OPN1SW: variants seen among roughly 807,000 people sequenced by gnomAD.
The protein encoded by OPN1SW is short-wave-sensitive opsin 1.
A neutral mutation model predicts 31.9 loss-of-function variants in OPN1SW; 25 were observed. That is an observed-to-expected ratio of 0.78 (90% CI 0.57 to 1.09). OPN1SW has a LOEUF of 1.09. Ranked by LOEUF, OPN1SW falls within the 50% of genes least tolerant of loss-of-function variation. The pLI, the probability that OPN1SW is intolerant of heterozygous loss-of-function variation, is 0.00. For synonymous variants in OPN1SW, 190 were observed against 171.9 expected, an observed-to-expected ratio of 1.11 and a Z score of -0.82; for missense variants, 424 against 448.0, an observed-to-expected ratio of 0.95 and a Z score of 0.48.
chr7:128,774,096 G>A (rs543994078), intron 3 of OPN1SW, among the ~76,000 whole-genome samples: 8 of 152,234 alleles, frequency 5.3e-5, no homozygotes, highest in African/African-American at 1.7e-4. Context: ...AGCCTCCTGA[G>A]TAGCTGGGGT....
At position 128,775,089 on chromosome 7, in the gene OPN1SW, A is replaced by G. The variant is rs776068698; in HGVS notation, c.409T>C (p.Phe137Leu). The G allele has an allele frequency of 6.2e-7, 1 of 1,614,226 alleles. No individual in the cohort carries two copies. The highest frequency in any genetic ancestry group is 8.5e-7 in the Non-Finnish European group (1 of 1,180,042). The change falls in exon 2 of 5, where the codon TTC becomes CTC. Residue 137 changes from phenylalanine (F) to leucine (L), a missense_variant. Coordinates refer to ENST00000249389, the MANE Select transcript of OPN1SW (RefSeq NM_001385125.1). ...TTGGAGCTGAAGCGGAAGTTGCCGA[A>G]GGGCTTACAGATGACAATGTAGCGC... ...FERYIVICKP[F>L]GNFRFSSKHA... is the part of the protein sequence containing the mutation.
intron 3 of OPN1SW, 124 bp downstream of exon 3, chr7:128,774,374 C>T (rs996305069): frequency 7.6e-7 from 1 of 1,316,394 alleles, no homozygotes; most frequent in South Asian, 1.2e-5. Context: ...CTCCTACTTC[C>T]TTTGCTGCTT....
At position 128,775,717 on chromosome 7, in the gene OPN1SW, T is replaced by C. The variant is rs962307387; in HGVS notation, c.65A>G (p.Gln22Arg). Reference protein sequence around the residue: ...ISSVGPWDGPQYHIAPVWAFY... With the variant: ...ISSVGPWDGPRYHIAPVWAFY... ...GGCCCAGACAGGGGCAATGTGGTAC[T>C]GAGGCCCATCCCACGGCCCCACTGA... The change falls in exon 1 of 5, where the codon CAG (glutamine) becomes CGG (arginine). Residue 22 changes from glutamine (Q) to arginine (R), a missense_variant. By Grantham distance (43) the Gln-to-Arg change is conservative (BLOSUM62 1). Transcript: ENST00000249389. The C allele has an allele frequency of 1.2e-6, 2 of 1,614,194 alleles. No individual in the cohort carries two copies. The highest frequency in any genetic ancestry group is 1.7e-6 in the Non-Finnish European group (2 of 1,180,032).
At chr7:128,773,564 G>A (rs1801680176) in intron 4 of OPN1SW, 85 bp downstream of exon 4, 3 of 1,580,144 alleles carry the variant, frequency 1.9e-6, no homozygotes, top group Non-Finnish European at 1.7e-6. Context: ...CCTGGGTAGA[G>A]TCCAGGGTGC....
Position 128,775,035 on chromosome 7 carries a change from A to G in OPN1SW, c.463T>C (p.Trp155Arg). ...KHALTVVLAT[W>R]TIGIGVSIPP... ...ATGGAGACGCCAATACCAATGGTCC[A>G]GGTAGCCAGGACCACCGTCAGTGCA... The change falls in exon 2 of 5, where the codon TGG becomes CGG. Residue 155 changes from tryptophan (W) to arginine (R), a missense_variant. Coordinates refer to ENST00000249389, the MANE Select transcript of OPN1SW (RefSeq NM_001385125.1). The G allele has an allele frequency of 6.2e-7, 1 of 1,614,228 alleles. No homozygotes were observed. The highest frequency in any genetic ancestry group is 8.5e-7 in the Non-Finnish European group (1 of 1,180,038).
chr7:128,772,797 C>T lies in OPN1SW; in HGVS notation c.919-138G>A, dbSNP rs1801641835. 6 of 1,132,188 alleles carry T rather than the reference C, an allele frequency of 5.3e-6. No individual in the cohort carries two copies. In the Admixed American group the frequency reaches 9.7e-5, roughly 18 times the overall value. The allele number at this position is 1,132,188 out of a possible 1,614,324, so 70.1% of individuals were successfully genotyped here. ...CCTTAGGTGGTTTTGAATCTATCTT[C>T]CCCATCCTGAAAACTATCTAGATTC... On this transcript the variant is annotated intron_variant, in intron 4 of 4. Transcript: ENST00000249389.
chr7:128,774,056 C>T (rs1054131546), intron 3 of OPN1SW, among the ~76,000 whole-genome samples, 168 bp from the exon 4 acceptor site: 5 of 151,888 alleles, frequency 3.3e-5, no homozygotes, highest in Non-Finnish European at 5.9e-5. Context: ...TGAACCTCCA[C>T]CTCCCGGGTT....
At position 128,775,476 on chromosome 7, in the gene OPN1SW, A is replaced by T. The variant is rs745463914; in HGVS notation, c.306T>A (p.His102Gln). The part of the protein sequence containing the change: ...SCNGYFVFGR[H>Q]VCALEGFLGT... ...CCAGGAAGCCCTCCAAAGCACAAACATGGCGACCGAAGACGAAGTATCCGT... is the reference window on the plus strand; with the variant it reads ...CCAGGAAGCCCTCCAAAGCACAAACTTGGCGACCGAAGACGAAGTATCCGT... The change falls in exon 1 of 5, where the codon CAT becomes CAA. Residue 102 changes from histidine (H) to glutamine (Q), a missense_variant. Physicochemically the swap from His to Gln is conservative, Grantham distance 24 (BLOSUM62 0). Coordinates refer to ENST00000249389, the MANE Select transcript of OPN1SW (RefSeq NM_001385125.1). 6.2e-7 allele frequency: 1 copy of T among 1,613,874 alleles called. No individual in the cohort carries two copies.
chr7:128,774,797 A>G, intron 2 of OPN1SW, 134 bp from the exon 3 acceptor site: 2 of 1,402,272 alleles, frequency 1.4e-6, no homozygotes, highest in South Asian at 2.4e-5. Context: ...TTCTGTCCTG[A>G]CTGGGAGAAG....
chr7:128,775,391 G>T, intron 1 of OPN1SW, 48 bp downstream of exon 1: 1 of 1,559,806 alleles, frequency 6.4e-7, no homozygotes, highest in Non-Finnish European at 8.8e-7. Context: ...CCCCTCCAGT[G>T]GAGTAGCAAC....
At chr7:128,774,161 G>A (rs983354351) in intron 3 of OPN1SW, among the ~76,000 whole-genome samples, 11 of 152,038 alleles carry the variant, frequency 7.2e-5, no homozygotes, top group Non-Finnish European at 1.2e-4. Flanking sequence ...ATTTTGCCAT[G>A]TAGGCCAGGC....
chr7:128,772,538 C>T lies in OPN1SW; in HGVS notation c.*2G>A. On this transcript the variant is annotated 3_prime_UTR_variant, in exon 5 of 5. Coordinates refer to ENST00000249389, the MANE Select transcript of OPN1SW (RefSeq NM_001385125.1). ...TGTTGCAAACAGGCCAATATTGGGT[C>T]CTCAGTTGGGGCCAACTTGGGTAGA... 6.2e-7 allele frequency: 1 copy of T among 1,614,070 alleles called. No individual in the cohort carries two copies. Among genetic ancestry groups the T allele is most frequent in the South Asian group, 1.1e-5 (1 of 91,076 alleles).
At chr7:128,774,811 C>T in intron 2 of OPN1SW, 148 bp from the exon 3 acceptor site, 2 of 1,355,904 alleles carry the variant, frequency 1.5e-6, no homozygotes, top group Non-Finnish European at 2.1e-6. Flanking sequence ...GGAGAAGCTA[C>T]AGCAATTCCA....
At chr7:128,773,943 CTT>C (rs539944204) in intron 3 of OPN1SW, 55 bp from the exon 4 acceptor site, 22,564 of 1,338,104 alleles carry the variant, frequency 0.017, no homozygotes, top group Admixed American at 0.025. Context: ...CCTCTGGATG[CTT>C]TTTTTTTTTT....
chr7:128,773,871 CT>C lies in OPN1SW; in HGVS notation c.695del (p.Gln232ArgfsTer13). 6.2e-7 allele frequency: 1 copy of C among 1,612,396 alleles called. No homozygotes were observed. Among genetic ancestry groups the C allele is most frequent in the Non-Finnish European group, 8.5e-7 (1 of 1,180,002 alleles). On this transcript the variant is annotated frameshift_variant, in exon 4 of 5. Transcript: ENST00000249389. LOFTEE classifies it high-confidence loss of function. ...CAGCCTTCTGGGTCGTAGCTGACTCCTGCTGCTGAGCTGCAACCTGGGGTGG... is the reference window on the plus strand; with the variant it reads ...CAGCCTTCTGGGTCGTAGCTGACTCCGCTGCTGAGCTGCAACCTGGGGTGG... ...RALKAVAAQQ[Q>X]ESATTQKAER... is the part of the protein sequence containing the mutation.
At chr7:128,774,202 G>A (rs1258295363) in intron 3 of OPN1SW, among the ~76,000 whole-genome samples, 3 of 152,044 alleles carry the variant, frequency 2.0e-5, no homozygotes, top group African/African-American at 4.8e-5. Flanking sequence ...CAGGTGATCC[G>A]TCTGCTTCGG....
chr7:128,773,757 GAC>G lies in OPN1SW; in HGVS notation c.808_809del (p.Val270GlnfsTer4). The G allele has an allele frequency of 6.2e-7, 1 of 1,614,196 alleles. No individual in the cohort carries two copies. The highest frequency in any genetic ancestry group is 1.1e-5 in the South Asian group (1 of 91,074). ...VPYAAFAMYM[V>X]NNRNHGLDLR... is the part of the protein sequence containing the mutation. ...AGTCCAGCCCATGGTTACGGTTGTT[GAC>G]CATGTACATGGCGAAGGCCGCGTAG... On this transcript the variant is annotated frameshift_variant, in exon 4 of 5. Transcript: ENST00000249389. LOFTEE classifies it high-confidence loss of function.
chr7:128,775,513 A>G lies in OPN1SW; in HGVS notation c.269T>C (p.Val90Ala). 6.2e-7 allele frequency: 1 copy of G among 1,614,066 alleles called. No homozygotes were observed. The highest frequency in any genetic ancestry group is 8.5e-7 in the Non-Finnish European group (1 of 1,179,962). The change falls in exon 1 of 5, where the codon GTC becomes GCC. Residue 90 changes from valine to alanine, a missense_variant. Transcript: ENST00000249389. ...LCIFSVFPVF[V>A]ASCNGYFVFG... The stretch of plus-strand genomic sequence containing the variant: ...GACGAAGTATCCGTTACAGCTGGCG[A>G]CGAAGACAGGGAAGACAGAGAAGAT...
chr7:128,774,745 T>C (rs1562888422), intron 2 of OPN1SW, 82 bp from the exon 3 acceptor site: 1 of 1,580,164 alleles, frequency 6.3e-7, no homozygotes, highest in African/African-American at 1.3e-5. Context: ...TGTTCTCCAC[T>C]TAGAACCCAC....
Sources: gnomAD v4.1 joint callset for allele counts (sites outside exome capture counted in the v4.1 genomes callset) on GRCh38, gnomAD v4.1.1 for gene constraint, MANE v1.5 for transcripts, NCBI Gene and HGNC (gene_info 2026-07-23, HGNC 2026-07-21) for gene names.